Variants in SATL1 observed in about 807,000 individuals in gnomAD.
The protein encoded by SATL1 is spermidine/spermine N1-acetyl transferase like 1, also known as spermidine/spermine N(1)-acetyltransferase-like protein 1.
SATL1 carries 47 observed loss-of-function variants against 51.8 expected under a neutral mutation model. The ratio of observed to expected loss-of-function variants is 0.91; its 90% confidence interval spans 0.72 to 1.16. The LOEUF (loss-of-function observed/expected upper bound fraction) is 1.16. SATL1 is among the 50% of genes most tolerant of loss of function. The pLI, the probability that SATL1 is intolerant of heterozygous loss-of-function variation, is 0.00. For missense variants in SATL1, 520 were observed against 526.4 expected (o/e 0.99, Z 0.12); for synonymous variants, 176 against 182.4 (o/e 0.97, Z 0.28).
At chrX:85,165,470 T>C (rs1051585317) in intron 2 of SATL1, among the ~76,000 whole-genome samples, 19 of 110,751 alleles carry the variant, frequency 1.7e-4, no homozygotes, top group Admixed American at 3.9e-4. Context: ...TTTTTTTTTC[T>C]TTAAGTTGAT....
At chrX:85,156,606 G>A (rs750297406) in intron 2 of SATL1, among the ~76,000 whole-genome samples, 1 of 108,860 alleles carries the variant, frequency 9.2e-6, no homozygotes, top group South Asian at 3.9e-4. Flanking sequence ...TTGATGATCA[G>A]TAGAGTACAG....
intron 4 of SATL1, among the ~76,000 whole-genome samples, chrX:85,099,278 A>G (rs1178963042): frequency 9.0e-6 from 1 of 111,505 alleles, no homozygotes; most frequent in African/African-American, 3.3e-5. Flanking sequence ...CCCAACAAAA[A>G]AAAGGAAGGA....
chrX:85,093,427 T>A (rs1315321624), intron 6 of SATL1: 1 of 404,191 alleles, frequency 2.5e-6, no homozygotes, highest in East Asian at 4.1e-5. Flanking sequence ...AGAGTTTGGG[T>A]TTATTTTAAA....
chrX:85,170,654 T>C (rs2147734531), intron 2 of SATL1, among the ~76,000 whole-genome samples: 1 of 111,707 alleles, frequency 9.0e-6, no homozygotes, highest in South Asian at 3.7e-4. Flanking sequence ...TCCATATAAA[T>C]GTGTTAACTG....
At chrX:85,181,568 C>T (rs1927203838) in intron 2 of SATL1, among the ~76,000 whole-genome samples, 1 of 110,566 alleles carries the variant, frequency 9.0e-6, no homozygotes, top group African/African-American at 3.3e-5. Flanking sequence ...AGTCACCAGT[C>T]CCTCTCCTTT....
intron 2 of SATL1, among the ~76,000 whole-genome samples, chrX:85,165,668 G>C (rs1030541739): frequency 1.8e-5 from 2 of 110,949 alleles, no homozygotes; most frequent in Admixed American, 9.6e-5. Context: ...TTCTCATTTG[G>C]GTAGACTGTT....
chrX:85,123,031 A>G (rs1346528868), intron 2 of SATL1, among the ~76,000 whole-genome samples: 1 of 111,732 alleles, frequency 8.9e-6, no homozygotes, highest in Non-Finnish European at 1.9e-5. Context: ...TGATGCGTAT[A>G]TATCACATTT....
chrX:85,176,440 G>T (rs1239237446), intron 2 of SATL1, among the ~76,000 whole-genome samples: 1 of 111,232 alleles, frequency 9.0e-6, no homozygotes. Context: ...CAGTAGAAAA[G>T]AACTGGAAAC....
intron 2 of SATL1, among the ~76,000 whole-genome samples, chrX:85,158,488 G>A (rs187099009): frequency 8.1e-5 from 9 of 111,751 alleles, no homozygotes; most frequent in African/African-American, 9.7e-5. Context: ...GGTTATTTTC[G>A]TTGTTGTTCT....
At chrX:85,094,313 T>C in intron 5 of SATL1, 84 bp from the exon 6 acceptor site, 2 of 533,979 alleles carry the variant, frequency 3.7e-6, no homozygotes, top group Non-Finnish European at 6.6e-6. Context: ...CTTTTGGCGT[T>C]TGTTTAACTA....
At chrX:85,130,602 T>C (rs1925764402) in intron 2 of SATL1, among the ~76,000 whole-genome samples, 1 of 111,938 alleles carries the variant, frequency 8.9e-6, no homozygotes, top group Non-Finnish European at 1.9e-5. Context: ...AACCAGCTCC[T>C]AGATTCATTG....
chrX:85,229,608 C>A (rs1450745034), intron 1 of SATL1, among the ~76,000 whole-genome samples: 2 of 105,669 alleles, frequency 1.9e-5, no homozygotes, highest in African/African-American at 6.8e-5. Context: ...CAGAATTCAA[C>A]ACCCATTCAG....
At chrX:85,128,707 C>T (rs964366055) in intron 2 of SATL1, among the ~76,000 whole-genome samples, 4 of 111,900 alleles carry the variant, frequency 3.6e-5, no homozygotes, top group Non-Finnish European at 7.5e-5. Flanking sequence ...GGGTTTTAGT[C>T]ATGAAGTCCT....
intron 2 of SATL1, among the ~76,000 whole-genome samples, chrX:85,180,874 A>G (rs780915212): frequency 1.7e-4 from 19 of 110,701 alleles, no homozygotes; most frequent in African/African-American, 5.6e-4. Flanking sequence ...TTTTTATAAC[A>G]TTCAAAAATG....
intron 1 of SATL1, among the ~76,000 whole-genome samples, chrX:85,237,607 A>T (rs1928505665): frequency 8.9e-6 from 1 of 111,801 alleles, no homozygotes; most frequent in African/African-American, 3.2e-5. Flanking sequence ...AAGCTAATAA[A>T]CTACTAATAG....
intron 2 of SATL1, among the ~76,000 whole-genome samples, chrX:85,157,031 G>A (rs1400885099): frequency 9.4e-6 from 1 of 106,657 alleles, no homozygotes; most frequent in Non-Finnish European, 1.9e-5. Context: ...TATCAGAAAC[G>A]GCAGCAATGC....
At chrX:85,132,138 C>T (rs778647153) in intron 2 of SATL1, among the ~76,000 whole-genome samples, 10 of 110,988 alleles carry the variant, frequency 9.0e-5, no homozygotes, top group Non-Finnish European at 1.7e-4. Flanking sequence ...TGGAGTTGCT[C>T]TTCTTGAGGT....
At chrX:85,184,703 T>A (rs1927276599) in intron 2 of SATL1, among the ~76,000 whole-genome samples, 1 of 112,136 alleles carries the variant, frequency 8.9e-6, no homozygotes, top group African/African-American at 3.2e-5. Flanking sequence ...TTGTTCATCT[T>A]ATCTGATAGG....
At chrX:85,094,432 A>C (rs772731139) in intron 5 of SATL1, among the ~76,000 whole-genome samples, 197 of 111,829 alleles carry the variant, frequency 1.8e-3, no homozygotes, top group Non-Finnish European at 2.8e-3. Context: ...CTCCTTTTAT[A>C]GTGTGGTGTA....
Sources: allele counts gnomAD v4.1 joint callset (sites outside exome capture counted in the v4.1 genomes callset), GRCh38; gene constraint gnomAD v4.1.1; transcripts MANE v1.5; gene names NCBI Gene and HGNC (gene_info 2026-07-23, HGNC 2026-07-21).